Variants in ADGRV1 observed in about 807,000 individuals in gnomAD.
The protein encoded by ADGRV1 is adhesion G protein-coupled receptor V1.
Under a neutral mutation model 596.2 loss-of-function variants are expected in ADGRV1, and 359 were observed. The ratio of observed to expected loss-of-function variants is 0.60; its 90% confidence interval spans 0.55 to 0.66. The LOEUF is 0.66. Among genes scored for constraint, ADGRV1 ranks in the 30% least tolerant of loss-of-function variants. The pLI, the probability that ADGRV1 is intolerant of heterozygous loss-of-function variation, is 0.00. For synonymous variants in ADGRV1, 2,681 were observed against 2,679.2 expected (o/e 1.00, Z -0.02); for missense variants, 7,274 against 7,575.6 (o/e 0.96, Z 1.48).
Position 91,042,575 on chromosome 5 carries a change from G to A in ADGRV1, c.18153-29872G>A, listed in dbSNP as rs534403589. Among the ~76,000 whole-genome samples the A allele has an allele frequency of 5.3e-5, 8 of 151,938 alleles. No individual in the cohort carries two copies. The South Asian group carries it at 6.2e-4, about 12-fold the overall frequency. ...TTATACTTTAAGTTCTGGGATACAT[G>A]TGCACAACCTGCAGGTTTGTTACAT... On this transcript the variant is annotated intron_variant, in intron 85 of 89. Coordinates refer to ENST00000405460, the MANE Select transcript of ADGRV1 (RefSeq NM_032119.4).
At position 90,651,726 on chromosome 5, in the gene ADGRV1, T is replaced by C. The variant is rs1286566961; in HGVS notation, c.3412T>C (p.Phe1138Leu). Residue 1138 changes from phenylalanine (F) to leucine (L), a missense_variant, in exon 18 of 90, where the codon TTT becomes CTT. Transcript: ENST00000405460. ...AGTGGAAGAAGGAAAGACTAATGCA[T>C]TTTGGTAAGCATATGTAGATAAGGC... Reference protein sequence around the residue: ...KAVEEGKTNAFWILRHRGYFG... With the variant: ...KAVEEGKTNALWILRHRGYFG... 1.2e-6 allele frequency: 2 copies of C among 1,608,206 alleles called. No individual in the cohort carries two copies. Among genetic ancestry groups the C allele is most frequent in the Non-Finnish European group, 1.7e-6 (2 of 1,175,446 alleles).
At chr5:91,135,805 G>A (rs1794581616) in intron 87 of ADGRV1, among the ~76,000 whole-genome samples, 1 of 152,188 alleles carries the variant, frequency 6.6e-6, no homozygotes, top group South Asian at 2.1e-4. Context: ...CATTAGGGTA[G>A]AGCATAATAA....
rs544148066 is a variant in ADGRV1, at chr5:90,895,335, A to G, written c.17856+31478A>G. 5.3e-5 allele frequency among the ~76,000 whole-genome samples: 8 copies of G among 152,312 alleles called. No homozygotes were observed. The South Asian group carries it at 1.7e-3, about 32-fold the overall frequency. ...AGCTAGTGGTAAGTGTAACAGTGAAAATCAGAGAGTAATTGAAGGGATGTG... is the reference window on the plus strand; with the variant it reads ...AGCTAGTGGTAAGTGTAACAGTGAAGATCAGAGAGTAATTGAAGGGATGTG... On this transcript the variant is annotated intron_variant, in intron 83 of 89. Transcript: ENST00000405460.
At chr5:91,048,044 G>A (rs564955268) in intron 85 of ADGRV1, among the ~76,000 whole-genome samples, 10 of 152,332 alleles carry the variant, frequency 6.6e-5, no homozygotes, top group African/African-American at 9.6e-5. Context: ...AGGGAAGAGC[G>A]TGTGGTTAGC....
intron 86 of ADGRV1, among the ~76,000 whole-genome samples, chr5:91,084,159 C>T (rs565096886): frequency 6.6e-6 from 1 of 152,094 alleles, no homozygotes; most frequent in Non-Finnish European, 1.5e-5. Context: ...AACCTCCCTT[C>T]CTTCCACCCT....
intron 84 of ADGRV1, among the ~76,000 whole-genome samples, chr5:90,967,268 T>C (rs1778556855): frequency 6.6e-6 from 1 of 152,216 alleles, no homozygotes. Flanking sequence ...TTTCTAAATC[T>C]GCATATAGGG....
In ADGRV1 at chr5:90,791,326, G is replaced by A. The variant is rs779277485; in HGVS notation, c.14497G>A (p.Val4833Met). 13 of 1,568,752 alleles carry A rather than the reference G, an allele frequency of 8.3e-6. No homozygotes were observed. In the East Asian group the frequency reaches 1.2e-4, roughly 14 times the overall value. The change falls in exon 70 of 90, where the codon GTG becomes ATG. Residue 4833 changes from valine to methionine, a missense_variant. This residue lies in a region of ADGRV1 where 1,874 missense variants were observed against 1,970.2 expected (regional missense o/e 0.95). Transcript: ENST00000405460. ...AGATGGTGCCACATATAAAGTGGAC[G>A]TGGTGCCAATAAAGAATCAGGTTTG... ...VKDGATYKVD[V>M]VPIKNQVFLS...
chr5:90,617,682 C>A lies in ADGRV1; in HGVS notation c.208-122C>A, dbSNP rs894628470. 5 of 754,510 alleles carry A rather than the reference C, an allele frequency of 6.6e-6. No individual in the cohort carries two copies. The East Asian group carries it at 1.4e-4, about 22-fold the overall frequency. The allele number at this position is 754,510 out of a possible 1,614,324, so 46.7% of individuals were successfully genotyped here. On this transcript the variant is annotated intron_variant, in intron 2 of 89. Coordinates refer to ENST00000405460, the MANE Select transcript of ADGRV1 (RefSeq NM_032119.4). ...TTTATGATTTTTGTTTTTGTACACCCTATCTATAAACATAAATGTCACTTG... is the reference window on the plus strand; with the variant it reads ...TTTATGATTTTTGTTTTTGTACACCATATCTATAAACATAAATGTCACTTG...
chr5:91,090,714 G>C (rs1204778435), intron 86 of ADGRV1, among the ~76,000 whole-genome samples: 1 of 151,900 alleles, frequency 6.6e-6, no homozygotes, highest in African/African-American at 2.4e-5. Context: ...CATGTCAGAA[G>C]GTAGTCGGTG....
intron 67 of ADGRV1, among the ~76,000 whole-genome samples, chr5:90,787,210 A>G (rs796295735): frequency 6.6e-6 from 1 of 152,208 alleles, no homozygotes; most frequent in African/African-American, 2.4e-5. Flanking sequence ...CAAGTGCCCA[A>G]TGTTCTTTCT....
chr5:90,637,910 A>G lies in ADGRV1; in HGVS notation c.2202A>G (p.Ile734Met), dbSNP rs762698113. ...TINITIKGDD[I>M]PEMNETVTLS... ...ACATTACTATCAAAGGTGATGACATACCGGAAATGAATGAAACTGTAACAC... is the reference window on the plus strand; with the variant it reads ...ACATTACTATCAAAGGTGATGACATGCCGGAAATGAATGAAACTGTAACAC... Residue 734 changes from isoleucine to methionine, a missense_variant, in exon 11 of 90, where the codon ATA (isoleucine) becomes ATG (methionine). Ile to Met is a conservative substitution (Grantham distance 10). Coordinates refer to ENST00000405460, the MANE Select transcript of ADGRV1 (RefSeq NM_032119.4). 6.2e-7 allele frequency: 1 copy of G among 1,613,490 alleles called. No homozygotes were observed. The highest frequency in any genetic ancestry group is 8.5e-7 in the Non-Finnish European group (1 of 1,179,606).
intron 1 of ADGRV1, among the ~76,000 whole-genome samples, chr5:90,591,430 A>T (rs1362659223): frequency 2.0e-5 from 3 of 152,082 alleles, no homozygotes; most frequent in African/African-American, 4.8e-5. Context: ...TATTTTTCTG[A>T]TATATCACTT....
At chr5:90,673,843 TTAATC>T (rs1392218220) in intron 22 of ADGRV1, among the ~76,000 whole-genome samples, 2 of 152,196 alleles carry the variant, frequency 1.3e-5, no homozygotes, top group African/African-American at 4.8e-5. Flanking sequence ...TTTTAAGGAA[TTAATC>T]TATTCAGACT....
chr5:90,789,618 T>C, intron 68 of ADGRV1, 84 bp from the exon 69 acceptor site: 1 of 781,182 alleles, frequency 1.3e-6, no homozygotes. Flanking sequence ...TTTCCTCAGC[T>C]TCTCTGTTTG....
At chr5:90,918,748 A>G (rs189898957) in intron 83 of ADGRV1, among the ~76,000 whole-genome samples, 2 of 152,344 alleles carry the variant, frequency 1.3e-5, no homozygotes, top group East Asian at 1.9e-4. Flanking sequence ...TATTTACTCC[A>G]CAATGATTAT....
intron 83 of ADGRV1, among the ~76,000 whole-genome samples, chr5:90,896,361 C>T (rs542733955): frequency 1.5e-4 from 22 of 143,848 alleles, no homozygotes; most frequent in South Asian, 9.2e-4. Flanking sequence ...GCCTCAACCT[C>T]CCGGCTCGAG....
rs777926610 is a variant in ADGRV1, at chr5:90,759,468, G to C, written c.12000G>C (p.Thr4000=). Residue 4000 remains threonine, a synonymous_variant, in exon 58 of 90, where the codon ACG becomes ACC. Coordinates refer to ENST00000405460, the MANE Select transcript of ADGRV1 (RefSeq NM_032119.4). ...ATGCTGAATTTGAATTGACAGAGACGTTCAATATTTCCTTGATCAGTGTTG... is the reference window on the plus strand; with the variant it reads ...ATGCTGAATTTGAATTGACAGAGACCTTCAATATTTCCTTGATCAGTGTTG... ...IDDAEFELTE[T]FNISLISVAG... is the part of the protein sequence containing the mutation. 1 of 1,603,934 alleles carries C rather than the reference G, an allele frequency of 6.2e-7. No homozygotes were observed. The highest frequency in any genetic ancestry group is 1.3e-5 in the African/African-American group (1 of 74,946).
intron 87 of ADGRV1, among the ~76,000 whole-genome samples, chr5:91,110,832 A>G (rs1164692213): frequency 1.3e-5 from 2 of 152,192 alleles, no homozygotes; most frequent in African/African-American, 4.8e-5. Context: ...GACACTTCTC[A>G]GTATGTCAGT....
intron 1 of ADGRV1, among the ~76,000 whole-genome samples, chr5:90,587,354 A>G (rs541033625): frequency 1.3e-5 from 2 of 152,246 alleles, no homozygotes; most frequent in South Asian, 2.1e-4. Flanking sequence ...GTTAGAGGCA[A>G]AAGTCTGGGC....
Sources: allele counts gnomAD v4.1 joint callset (sites outside exome capture counted in the v4.1 genomes callset), GRCh38; gene constraint gnomAD v4.1.1; regional missense constraint gnomAD v4.1.1; transcripts MANE v1.5; gene names NCBI Gene and HGNC (gene_info 2026-07-23, HGNC 2026-07-21).